The following RPS6KA5 variants were observed in gnomAD, a reference collection of about 807,000 sequenced individuals.
RPS6KA5 encodes ribosomal protein S6 kinase A5.
In RPS6KA5, 27 loss-of-function variants were observed where a neutral mutation model predicts 85.5. The observed-to-expected ratio is 0.32, with a 90% CI of 0.23 to 0.44. RPS6KA5 has a LOEUF of 0.44. Ranked by LOEUF, RPS6KA5 falls within the 20% of genes least tolerant of loss-of-function variation. RPS6KA5 has a pLI of 1.00. For missense variants in RPS6KA5, 811 were observed against 980.9 expected (o/e 0.83, Z 2.31); for synonymous variants, 334 against 348.2 (o/e 0.96, Z 0.46).
chr14:90,894,667 C>T, intron 12 of RPS6KA5, 84 bp from the exon 13 acceptor site: 2 of 1,425,640 alleles, frequency 1.4e-6, no homozygotes, highest in Admixed American at 4.5e-5. Flanking sequence ...GACTATCTAC[C>T]ACCAATACGT....
Position 90,896,664 on chromosome 14 carries a change from A to G in RPS6KA5, c.1474-2081T>C, listed in dbSNP as rs140463329. Among the ~76,000 whole-genome samples the G allele has an allele frequency of 1.6e-3, 248 of 152,276 alleles. 3 individuals are homozygous for G. The highest frequency in any genetic ancestry group is 5.7e-3 in the African/African-American group (236 of 41,552). ...TGTCTAGAAGCTACAAAAGGAAAGT[A>G]AATGGGTTGTCCCTTAGAGCCTCCA... On this transcript the variant is annotated intron_variant, in intron 12 of 16. Transcript: ENST00000614987.
chr14:90,928,201 A>G (rs1193207387), intron 5 of RPS6KA5, among the ~76,000 whole-genome samples: 1 of 151,858 alleles, frequency 6.6e-6, no homozygotes, highest in East Asian at 1.9e-4. Flanking sequence ...TATAGGTATG[A>G]GCCACCACTC....
Position 90,887,354 on chromosome 14 carries a change from T to A in RPS6KA5, c.1836+3133A>T, listed in dbSNP as rs181500041. ...AGCCACCATGCCCAGCTAATTAAAA[T>A]TTTTTTTTTTTTCCTTTTAGAGACT... On this transcript the variant is annotated intron_variant, in intron 14 of 16. Coordinates refer to ENST00000614987, the MANE Select transcript of RPS6KA5 (RefSeq NM_004755.4). 9.4e-3 allele frequency among the ~76,000 whole-genome samples: 1,265 copies of A among 134,794 alleles called. 9 individuals carry two copies. The highest frequency in any genetic ancestry group is 0.023 in the Middle Eastern group (6 of 266). 88.4% of individuals were successfully genotyped at this position (134,794 alleles called of 152,430 possible). A position where few individuals can be genotyped will look rare whatever the true frequency, so the allele number is the denominator to read the frequency against.
chr14:90,942,824 A>G (rs2037644936), intron 5 of RPS6KA5, among the ~76,000 whole-genome samples: 1 of 152,208 alleles, frequency 6.6e-6, no homozygotes, highest in Admixed American at 6.5e-5. Context: ...TTTATGGGGA[A>G]AGTTAAATGC....
intron 5 of RPS6KA5, among the ~76,000 whole-genome samples, chr14:90,939,453 CT>C (rs1441940743): frequency 5.3e-5 from 8 of 152,176 alleles, no homozygotes; most frequent in Non-Finnish European, 1.2e-4. Context: ...TACCAATTTA[CT>C]GTATTAGTCT....
intron 3 of RPS6KA5, among the ~76,000 whole-genome samples, chr14:90,956,991 TGAA>T: frequency 7.3e-6 from 1 of 137,314 alleles, no homozygotes. Context: ...TTTTTCCCAG[TGAA>T]TTCGAGTTAT....
chr14:91,030,353 G>A (rs12883365), intron 1 of RPS6KA5, among the ~76,000 whole-genome samples: 6,083 of 152,140 alleles, frequency 0.04, 189 homozygotes, highest in Non-Finnish European at 0.059. Context: ...CACACGCGCT[G>A]TTGGTTTCAG....
intron 14 of RPS6KA5, among the ~76,000 whole-genome samples, chr14:90,884,720 T>C (rs868266471): frequency 6.6e-6 from 1 of 152,246 alleles, no homozygotes; most frequent in Non-Finnish European, 1.5e-5. Context: ...TATCCTTCTA[T>C]TGTTGATGAA....
intron 9 of RPS6KA5, among the ~76,000 whole-genome samples, chr14:90,902,396 G>T (rs1242837055): frequency 1.3e-5 from 2 of 151,788 alleles, no homozygotes; most frequent in Non-Finnish European, 2.9e-5. Context: ...AAGGTGAGAG[G>T]ATCACTTGAG....
intron 2 of RPS6KA5, among the ~76,000 whole-genome samples, chr14:90,996,047 T>C (rs1054670221): frequency 2.6e-5 from 4 of 152,184 alleles, no homozygotes; most frequent in African/African-American, 9.7e-5. Context: ...GGTCTCGCTC[T>C]ATCTCCCAGG....
rs2032814566 is a variant in RPS6KA5, at chr14:90,866,633, T to C, written c.*5441A>G. The C allele has an allele frequency of 1.3e-5, 2 of 152,236 alleles. No individual in the cohort carries two copies. The highest frequency in any genetic ancestry group is 2.1e-4 in the South Asian group (1 of 4,832). The allele number at this position is 152,236 out of a possible 1,614,324, so 9.4% of individuals were successfully genotyped here. On this transcript the variant is annotated 3_prime_UTR_variant, in exon 17 of 17. Coordinates refer to ENST00000614987, the MANE Select transcript of RPS6KA5 (RefSeq NM_004755.4). ...TGTGGAAGAGCAGTTACATAGATTG[T>C]TGCAGCTTAGATTATTTTCAAGAAG...
At chr14:90,984,421 A>G (rs2039970997) in intron 2 of RPS6KA5, among the ~76,000 whole-genome samples, 1 of 152,230 alleles carries the variant, frequency 6.6e-6, no homozygotes. Flanking sequence ...GAACTGGATC[A>G]ACTATGTAAA....
chr14:90,970,509 T>C (rs2039270783), intron 3 of RPS6KA5, among the ~76,000 whole-genome samples: 1 of 152,234 alleles, frequency 6.6e-6, no homozygotes, highest in Admixed American at 6.5e-5. Context: ...GGCATTACCT[T>C]TACAAACACT....
chr14:90,853,296 A>G lies in RPS6KA5; in HGVS notation c.*18778T>C, dbSNP rs2032103112. 3.3e-5 allele frequency: 5 copies of G among 152,194 alleles called. No individual in the cohort carries two copies. In the South Asian group the frequency reaches 1.0e-3, roughly 31 times the overall value. 9.4% of individuals were successfully genotyped at this position (152,194 alleles called of 1,614,324 possible). ...TAGGTTATCACTCAAAAAACAAAAC[A>G]AAAGCCAAAACCTAGCAGAAACAAA... On this transcript the variant is annotated 3_prime_UTR_variant, in exon 17 of 17. Coordinates refer to ENST00000614987, the MANE Select transcript of RPS6KA5 (RefSeq NM_004755.4).
At chr14:90,880,280 C>T (rs1028895914) in intron 14 of RPS6KA5, among the ~76,000 whole-genome samples, 1 of 152,144 alleles carries the variant, frequency 6.6e-6, no homozygotes, top group Admixed American at 6.5e-5. Flanking sequence ...TAATAACTCC[C>T]CATTCTCCTT....
At chr14:90,940,239 A>G (rs2037495569) in intron 5 of RPS6KA5, among the ~76,000 whole-genome samples, 1 of 152,220 alleles carries the variant, frequency 6.6e-6, no homozygotes. Context: ...CATAACCTAG[A>G]GTGAGGCTGT....
chr14:90,895,510 GTTACT>G (rs919591207), intron 12 of RPS6KA5, among the ~76,000 whole-genome samples: 3 of 152,066 alleles, frequency 2.0e-5, no homozygotes, highest in African/African-American at 7.2e-5. Flanking sequence ...TATCTTAATA[GTTACT>G]TTGTAAGTTA....
chr14:91,007,772 AC>A (rs2041089979), intron 1 of RPS6KA5, among the ~76,000 whole-genome samples: 1 of 152,110 alleles, frequency 6.6e-6, no homozygotes, highest in Non-Finnish European at 1.5e-5. Context: ...AATTTTAAAA[AC>A]AGTAAACTTA....
At chr14:90,900,067 T>C (rs1464224832) in intron 11 of RPS6KA5, 41 bp downstream of exon 11, 3 of 1,449,896 alleles carry the variant, frequency 2.1e-6, no homozygotes, top group African/African-American at 2.9e-5. Context: ...ACAGAATTCA[T>C]GAATACCTAA....
Sources: allele counts gnomAD v4.1 joint callset (sites outside exome capture counted in the v4.1 genomes callset), GRCh38; gene constraint gnomAD v4.1.1; transcripts MANE v1.5; gene names NCBI Gene and HGNC (gene_info 2026-07-23, HGNC 2026-07-21).